The following ZFYVE1 variants were observed in gnomAD, a reference collection of about 807,000 sequenced individuals.
The protein encoded by ZFYVE1 is zinc finger FYVE domain-containing protein 1.
Under a neutral mutation model 74.4 loss-of-function variants are expected in ZFYVE1, and 30 were observed. The ratio of observed to expected loss-of-function variants is 0.40; its 90% CI spans 0.30 to 0.55. The LOEUF (loss-of-function observed/expected upper bound fraction) is 0.55, where lower values mean the gene tolerates loss of function less well. Ranked by LOEUF, ZFYVE1 falls within the 20% of genes least tolerant of loss-of-function variation. ZFYVE1 has a pLI of 0.42. For synonymous variants in ZFYVE1, 335 were observed against 385.1 expected, an observed-to-expected ratio of 0.87 and a Z score of 1.52; for missense variants, 703 against 1,011.6, an observed-to-expected ratio of 0.69 and a Z score of 4.14.
chr14:72,974,255 G>A (rs1234005200), intron 10 of ZFYVE1, 62 bp from the exon 11 acceptor site: 2 of 1,483,362 alleles, frequency 1.3e-6, no homozygotes, highest in Non-Finnish European at 9.4e-7. Flanking sequence ...GGAAAACTCA[G>A]GGACCAATAG....
rs1033077677 is a variant in ZFYVE1 at position 72,978,299 on chromosome 14, G to T, written c.1420-65C>A. 3 of 1,519,760 alleles carry T rather than the reference G, an allele frequency of 2.0e-6. No individual in the cohort carries two copies. The South Asian group carries it at 3.5e-5, about 18-fold the overall frequency. The allele number at this position is 1,519,760 out of a possible 1,614,324, so 94.1% of individuals were successfully genotyped here. On this transcript the variant is annotated intron_variant, in intron 6 of 11. Coordinates refer to ENST00000556143, the MANE Select transcript of ZFYVE1 (RefSeq NM_021260.4). ...TTGTTTGTTTTTTTAATAGACACGG[G>T]GTTTTACCAGCCCAGGCTGGTTGTG...
chr14:72,977,838 T>C (rs1471043002), intron 8 of ZFYVE1, 89 bp downstream of exon 8: 1 of 1,374,028 alleles, frequency 7.3e-7, no homozygotes, highest in Non-Finnish European at 1.0e-6. Flanking sequence ...ATGGTTAACC[T>C]TAATTTTAAG....
At chr14:73,015,149 C>T (rs1341799764) in intron 2 of ZFYVE1, among the ~76,000 whole-genome samples, 4 of 148,080 alleles carry the variant, frequency 2.7e-5, no homozygotes, top group Non-Finnish European at 4.5e-5. Flanking sequence ...GAGAATTGCA[C>T]GAACCCGGGA....
At chr14:72,989,234 C>T (rs986247421) in intron 4 of ZFYVE1, among the ~76,000 whole-genome samples, 1 of 152,156 alleles carries the variant, frequency 6.6e-6, no homozygotes, top group African/African-American at 2.4e-5. Flanking sequence ...CCAGCATTTG[C>T]AATTTCTATA....
intron 4 of ZFYVE1, among the ~76,000 whole-genome samples, chr14:72,990,689 CTTTTTTTT>C (rs369030778): frequency 5.5e-4 from 37 of 66,676 alleles, no homozygotes; most frequent in African/African-American, 2.0e-3. Flanking sequence ...CGCACCTGGC[CTTTTTTTT>C]TTTTTTTTTT....
chr14:73,011,839 A>AG (rs997322826), intron 2 of ZFYVE1, among the ~76,000 whole-genome samples: 9 of 150,444 alleles, frequency 6.0e-5, no homozygotes, highest in South Asian at 2.1e-4. Flanking sequence ...TTGTTTTAAG[A>AG]GAAAAAAAAA....
intron 2 of ZFYVE1, among the ~76,000 whole-genome samples, chr14:73,014,957 G>A (rs1183400696): frequency 2.0e-5 from 3 of 152,148 alleles, no homozygotes; most frequent in East Asian, 1.9e-4. Flanking sequence ...ATACAGGGCC[G>A]GGTGCAGTGG....
intron 4 of ZFYVE1, among the ~76,000 whole-genome samples, chr14:72,990,426 C>T (rs532991875): frequency 1.0e-3 from 154 of 150,154 alleles, no homozygotes; most frequent in Non-Finnish European, 1.6e-3. Context: ...GATGGAGTTT[C>T]GCTCTTCTTG....
At chr14:72,984,807 G>A (rs1272109046) in intron 4 of ZFYVE1, among the ~76,000 whole-genome samples, 3 of 152,110 alleles carry the variant, frequency 2.0e-5, no homozygotes, top group African/African-American at 7.2e-5. Flanking sequence ...TAAATAATTA[G>A]GCAATGATGC....
rs557338210 is a variant in ZFYVE1, at chr14:72,986,377, A to G, written c.1204-4482T>C. 3.6e-3 allele frequency among the ~76,000 whole-genome samples: 550 copies of G among 151,566 alleles called. 4 individuals are homozygous for G. The highest frequency in any genetic ancestry group is 6.2e-3 in the Non-Finnish European group (420 of 67,956). On this transcript the variant is annotated intron_variant, in intron 4 of 11. Transcript: ENST00000556143. ...CATATGAGGTAAGAACAAGCATCTC[A>G]CTCGTTCACAAGTCACAGCCTGACT...
In ZFYVE1 at chr14:72,975,788, G is replaced by T; in HGVS notation, c.1636-67C>A. The T allele has an allele frequency of 6.4e-7, 1 of 1,572,468 alleles. No individual in the cohort carries two copies. Among genetic ancestry groups the T allele is most frequent in the East Asian group, 2.2e-5 (1 of 44,632 alleles). ...AGTGAAAGGAAGGAGGAAGAGGGAT[G>T]TTTGGTGAGTTGCACACTCACCGTG... On this transcript the variant is annotated intron_variant, in intron 8 of 11. Transcript: ENST00000556143. This position sits in a 1 kb window ranked among gnomAD's most constrained non-coding sequence, Gnocchi z 4.1.
At chr14:73,017,947 C>T (rs1281813873) in intron 2 of ZFYVE1, among the ~76,000 whole-genome samples, 6 of 152,190 alleles carry the variant, frequency 3.9e-5, no homozygotes, top group South Asian at 2.1e-4. Context: ...ACAGCCTGCA[C>T]GGCCTCCCAT....
chr14:72,997,484 C>T (rs1396659293), intron 3 of ZFYVE1, among the ~76,000 whole-genome samples: 1 of 152,122 alleles, frequency 6.6e-6, no homozygotes, highest in African/African-American at 2.4e-5. Flanking sequence ...AGGCACTTGC[C>T]ACTGTACCTG....
In ZFYVE1 at chr14:73,027,058, C is replaced by A. The variant is rs1037113138; in HGVS notation, c.-567G>T. Reference sequence around the variant, plus strand: ...CCGCCACCCTCCTCCTTCGTTGCCTCCCGGGCTTCCTCCTCTCCTGTTGTC... The same window carrying A: ...CCGCCACCCTCCTCCTTCGTTGCCTACCGGGCTTCCTCCTCTCCTGTTGTC... On this transcript the variant is annotated 5_prime_UTR_variant, in exon 1 of 12. Coordinates refer to ENST00000556143, the MANE Select transcript of ZFYVE1 (RefSeq NM_021260.4). 1.5e-5 allele frequency: 6 copies of A among 399,434 alleles called. No homozygotes were observed. The highest frequency in any genetic ancestry group is 2.6e-5 in the Non-Finnish European group (6 of 226,702). The allele number at this position is 399,434 out of a possible 1,614,324, so 24.7% of individuals were successfully genotyped here. A position where few individuals can be genotyped will look rare whatever the true frequency, so the allele number is the denominator to read the frequency against.
At chr14:73,000,304 C>T (rs1893840826) in intron 2 of ZFYVE1, among the ~76,000 whole-genome samples, 1 of 152,088 alleles carries the variant, frequency 6.6e-6, no homozygotes, top group Admixed American at 6.6e-5. Flanking sequence ...CACTTCATAT[C>T]CACAAGACAA....
chr14:72,981,259 C>T (rs1274818144), intron 5 of ZFYVE1, among the ~76,000 whole-genome samples: 1 of 152,158 alleles, frequency 6.6e-6, no homozygotes, highest in East Asian at 1.9e-4. Context: ...TAATTAGAAT[C>T]CCAGAAGGTG....
At chr14:72,999,188 T>A (rs1594851160) in intron 2 of ZFYVE1, among the ~76,000 whole-genome samples, 3 of 151,856 alleles carry the variant, frequency 2.0e-5, no homozygotes, top group Admixed American at 6.6e-5. Flanking sequence ...CAACACTTTG[T>A]GAGGCCAAGG....
At chr14:72,982,291 C>A (rs61986496) in intron 4 of ZFYVE1, among the ~76,000 whole-genome samples, 19,613 of 152,024 alleles carry the variant, frequency 0.13, 1,573 homozygotes, top group East Asian at 0.2. Flanking sequence ...CAGATGTGAT[C>A]TGTGAGTTTC....
intron 2 of ZFYVE1, among the ~76,000 whole-genome samples, chr14:73,012,887 T>C (rs1894118206): frequency 6.6e-6 from 1 of 152,202 alleles, no homozygotes; most frequent in Admixed American, 6.5e-5. Context: ...GATGACAGTT[T>C]AGCTGTGTAG....
Sources: gnomAD v4.1 joint callset for allele counts (sites outside exome capture counted in the v4.1 genomes callset) on GRCh38, gnomAD v4.1.1 for gene constraint, Gnocchi (gnomAD v3.1) non-coding constraint, MANE v1.5 for transcripts, NCBI Gene and HGNC (gene_info 2026-07-23, HGNC 2026-07-21) for gene names.